The following NSUN6 variants were observed in gnomAD, a reference collection of about 807,000 sequenced individuals.
The protein encoded by NSUN6 is NOP2/Sun RNA methyltransferase 6, also known as tRNA (cytosine(72)-C(5))-methyltransferase NSUN6.
In NSUN6, 64 loss-of-function variants were observed where a neutral mutation model predicts 58.0. The observed-to-expected ratio is 1.10, with a 90% CI of 0.90 to 1.36. NSUN6 has a LOEUF of 1.36. NSUN6 is among the 40% of genes most tolerant of loss of function. The pLI is 0.00. For missense variants in NSUN6, 701 were observed against 550.1 expected (o/e 1.27, Z -2.74); for synonymous variants, 231 against 193.9 (o/e 1.19, Z -1.59).
At chr10:18,554,688 TGAATGGAATGCA>T (rs982249567) in intron 8 of NSUN6, among the ~76,000 whole-genome samples, 4 of 146,126 alleles carry the variant, frequency 2.7e-5, no homozygotes, top group Admixed American at 2.7e-4. Flanking sequence ...AATGGAATGC[TGAATGGAATGCA>T]GAATGGAAGA....
intron 6 of NSUN6, among the ~76,000 whole-genome samples, chr10:18,603,672 T>C (rs1230226023): frequency 6.6e-6 from 1 of 152,064 alleles, no homozygotes; most frequent in Non-Finnish European, 1.5e-5. Flanking sequence ...AGACAGAGTT[T>C]CACCATGTTG....
At chr10:18,652,704 C>A (rs1008839299), upstream of NSUN6, 13 of 434,024 alleles carry the variant, frequency 3.0e-5, no homozygotes, top group Non-Finnish European at 4.0e-5. Context: ...AAATTACAGG[C>A]ATGTGCCACC....
chr10:18,562,787 T>A (rs199583811), intron 8 of NSUN6, among the ~76,000 whole-genome samples: 14 of 142,966 alleles, frequency 9.8e-5, no homozygotes, highest in East Asian at 6.6e-4. Context: ...GATAATGGAA[T>A]GGAATGGAGT....
chr10:18,616,117 A>G (rs2058400356), intron 4 of NSUN6, 67 bp downstream of exon 4: 1 of 945,006 alleles, frequency 1.1e-6, no homozygotes, highest in Non-Finnish European at 1.7e-6. Flanking sequence ...AAATCAATAA[A>G]TTTTCCATTT....
chr10:18,650,275 AC>A (rs1395584485), intron 1 of NSUN6, among the ~76,000 whole-genome samples: 1 of 152,232 alleles, frequency 6.6e-6, no homozygotes, highest in Non-Finnish European at 1.5e-5. Context: ...TTGAAAAAAA[AC>A]AAAGTTGCTT....
chr10:18,625,674 C>G (rs2058768135), intron 3 of NSUN6, among the ~76,000 whole-genome samples: 1 of 133,112 alleles, frequency 7.5e-6, no homozygotes, highest in Admixed American at 8.7e-5. Context: ...GATCGCGCCA[C>G]TGCACTCCAG....
chr10:18,588,468 C>T (rs954906304), intron 7 of NSUN6, among the ~76,000 whole-genome samples: 3 of 152,184 alleles, frequency 2.0e-5, no homozygotes, highest in African/African-American at 7.2e-5. Flanking sequence ...CCCTGATCTC[C>T]GTGCCTCCTG....
At chr10:18,557,929 G>A (rs1289519434) in intron 8 of NSUN6, among the ~76,000 whole-genome samples, 1 of 150,874 alleles carries the variant, frequency 6.6e-6, no homozygotes, top group Admixed American at 6.6e-5. Flanking sequence ...GGAATGGAAG[G>A]GAAAATGGAG....
chr10:18,642,489 C>T lies in NSUN6; in HGVS notation c.298G>A (p.Val100Ile). The change falls in exon 3 of 11, where the codon GTT becomes ATT. Residue 100 changes from valine to isoleucine, a missense_variant. Physicochemically the swap from Val to Ile is conservative, Grantham distance 29. Coordinates refer to ENST00000377304, the MANE Select transcript of NSUN6 (RefSeq NM_182543.5). The stretch of plus-strand genomic sequence containing the variant: ...GTTCTTACAAACCTGGGTCCAATAA[C>T]AGGAATAAGTAACACATCTTGAAGG... ...PDLQDVLLIPVIGPRKNIKKQ... is the reference protein window; with the variant it reads ...PDLQDVLLIPIIGPRKNIKKQ... 6.6e-7 allele frequency: 1 copy of T among 1,520,876 alleles called. No individual in the cohort carries two copies. Among genetic ancestry groups the T allele is most frequent in the Non-Finnish European group, 9.1e-7 (1 of 1,097,306 alleles). 94.2% of individuals were successfully genotyped at this position (1,520,876 alleles called of 1,614,324 possible).
chr10:18,656,296 T>C (rs2059776751), upstream of NSUN6, among the ~76,000 whole-genome samples: 1 of 152,198 alleles, frequency 6.6e-6, no homozygotes, highest in South Asian at 2.1e-4. Flanking sequence ...TCCAGCACTT[T>C]GGGAGGCCAA....
At chr10:18,620,092 T>A (rs1024836228) in intron 3 of NSUN6, among the ~76,000 whole-genome samples, 3 of 8,088 alleles carry the variant, frequency 3.7e-4, no homozygotes, top group African/African-American at 9.7e-4. Flanking sequence ...ATAAAAAAAA[T>A]TTTTTTTTTT....
At position 18,576,009 on chromosome 10, in the gene NSUN6, A is replaced by C. The variant is rs542689918; in HGVS notation, c.922+9940T>G. ...GGGAAGGTTCTTACTTAGTGCTCCT[A>C]ACTACTGAAACCACAGTCCGTACAG... On this transcript the variant is annotated intron_variant, in intron 8 of 10. Coordinates refer to ENST00000377304, the MANE Select transcript of NSUN6 (RefSeq NM_182543.5). 5.3e-5 allele frequency among the ~76,000 whole-genome samples: 8 copies of C among 152,230 alleles called. No homozygotes were observed. In the East Asian group the frequency reaches 1.5e-3, roughly 29 times the overall value.
At chr10:18,579,456 C>G (rs2056809871) in intron 8 of NSUN6, among the ~76,000 whole-genome samples, 1 of 152,212 alleles carries the variant, frequency 6.6e-6, no homozygotes, top group Admixed American at 6.5e-5. Context: ...ATGCGTGAGC[C>G]ACGTCGCCCG....
rs184278069 is a variant in NSUN6 at position 18,626,942 on chromosome 10, A to G, written c.312-10649T>C. On this transcript the variant is annotated intron_variant, in intron 3 of 10. Transcript: ENST00000377304. Reference sequence around the variant, plus strand: ...ATTTTAAGACTTTTATCAAAAAGGGAGGAGCACGAATTGAGAGAATACAGA... The same window carrying G: ...ATTTTAAGACTTTTATCAAAAAGGGGGGAGCACGAATTGAGAGAATACAGA... 3.8e-3 allele frequency among the ~76,000 whole-genome samples: 579 copies of G among 152,340 alleles called. 3 individuals are homozygous for G. The highest frequency in any genetic ancestry group is 0.013 in the African/African-American group (523 of 41,586).
At chr10:18,620,766 A>C (rs535808346) in intron 3 of NSUN6, among the ~76,000 whole-genome samples, 3 of 152,240 alleles carry the variant, frequency 2.0e-5, no homozygotes, top group African/African-American at 4.8e-5. Flanking sequence ...TGTGACTATC[A>C]TAACAGTCTG....
intron 6 of NSUN6, among the ~76,000 whole-genome samples, chr10:18,600,375 A>T (rs2057758160): frequency 6.6e-6 from 1 of 152,248 alleles, no homozygotes; most frequent in African/African-American, 2.4e-5. Context: ...CTGTAATCCC[A>T]GCACTTTCAG....
chr10:18,620,207 C>T (rs1686301443), intron 3 of NSUN6, among the ~76,000 whole-genome samples: 1 of 152,008 alleles, frequency 6.6e-6, no homozygotes, highest in Admixed American at 6.5e-5. Flanking sequence ...CCTGCCTCAG[C>T]CTCCTGAGTA....
chr10:18,625,155 C>T (rs1173704499), intron 3 of NSUN6, among the ~76,000 whole-genome samples: 6 of 152,144 alleles, frequency 3.9e-5, no homozygotes, highest in Non-Finnish European at 8.8e-5. Flanking sequence ...TTTTCCCTTG[C>T]TGGTTTTGCT....
intron 3 of NSUN6, among the ~76,000 whole-genome samples, chr10:18,632,575 C>G (rs377333363): frequency 1.3e-5 from 2 of 151,480 alleles, no homozygotes; most frequent in South Asian, 2.1e-4. Context: ...AACAAACAAC[C>G]CCATCAAAAA....
Sources: gnomAD v4.1 joint callset for allele counts (sites outside exome capture counted in the v4.1 genomes callset) on GRCh38, gnomAD v4.1.1 for gene constraint, MANE v1.5 for transcripts, NCBI Gene and HGNC (gene_info 2026-07-23, HGNC 2026-07-21) for gene names.